Variants in TPD52 observed in about 807,000 individuals in gnomAD.
The protein encoded by TPD52 is prostate and colon associated protein.
A neutral mutation model predicts 31.3 loss-of-function variants in TPD52; 17 were observed. The ratio of observed to expected loss-of-function variants is 0.54; its 90% confidence interval spans 0.37 to 0.82. The LOEUF is 0.82. Among genes scored for constraint, TPD52 ranks in the 40% least tolerant of loss-of-function variants. The pLI is 0.00. For synonymous variants in TPD52, 83 were observed against 89.6 expected (o/e 0.93, Z 0.42); for missense variants, 212 against 240.1 (o/e 0.88, Z 0.77).
At chr8:80,046,059 T>G (rs1017988598) in intron 5 of TPD52, among the ~76,000 whole-genome samples, 1 of 152,180 alleles carries the variant, frequency 6.6e-6, no homozygotes, top group Admixed American at 6.5e-5. Flanking sequence ...TAAGAACCCA[T>G]GTACAATATC....
intron 1 of TPD52, among the ~76,000 whole-genome samples, chr8:80,114,136 G>A (rs1350822898): frequency 2.0e-5 from 3 of 152,090 alleles, no homozygotes; most frequent in African/African-American, 7.2e-5. Flanking sequence ...CTGCTCAGCA[G>A]GCTGAGGTGG....
chr8:80,057,040 T>A (rs998315883), intron 2 of TPD52, among the ~76,000 whole-genome samples: 1 of 152,060 alleles, frequency 6.6e-6, no homozygotes, highest in Non-Finnish European at 1.5e-5. Context: ...GGTGGTGGTG[T>A]GCCTATAATC....
At chr8:80,075,426 A>G (rs80133723) in intron 1 of TPD52, among the ~76,000 whole-genome samples, 5,135 of 152,298 alleles carry the variant, frequency 0.034, 126 homozygotes, top group African/African-American at 0.069. Context: ...ACAGTGGTCA[A>G]TGTCCCCACC....
At chr8:80,104,844 C>T (rs1401240463) in intron 1 of TPD52, among the ~76,000 whole-genome samples, 2 of 151,926 alleles carry the variant, frequency 1.3e-5, no homozygotes, top group Non-Finnish European at 2.9e-5. Flanking sequence ...CATATCACTT[C>T]AGCTCAGGAG....
intron 5 of TPD52, among the ~76,000 whole-genome samples, chr8:80,048,414 G>A (rs1290067662): frequency 6.6e-6 from 1 of 152,190 alleles, no homozygotes; most frequent in Non-Finnish European, 1.5e-5. Context: ...ACCGGCATAA[G>A]TTTGCCAGGT....
chr8:80,134,745 G>C (rs4556128), intron 1 of TPD52, among the ~76,000 whole-genome samples: 1 of 152,150 alleles, frequency 6.6e-6, no homozygotes, highest in Admixed American at 6.5e-5. Context: ...AAGTGGATCC[G>C]TTAGTCCATT....
At chr8:80,140,903 G>A (rs1006399329) in intron 1 of TPD52, among the ~76,000 whole-genome samples, 25 of 151,386 alleles carry the variant, frequency 1.7e-4, no homozygotes, top group East Asian at 9.7e-4. Flanking sequence ...CTGTCATACC[G>A]GCAGGAAGAA....
intron 1 of TPD52, 194 bp from the exon 2 acceptor site, chr8:80,064,787 T>G: frequency 1.4e-6 from 1 of 692,486 alleles, no homozygotes; most frequent in Non-Finnish European, 2.6e-6. Context: ...AACTACCAAG[T>G]AGACTCTGCC....
intron 1 of TPD52, among the ~76,000 whole-genome samples, chr8:80,154,419 A>T (rs13280432): frequency 0.45 from 68,836 of 152,002 alleles, 15,837 homozygotes; most frequent in East Asian, 0.72. Flanking sequence ...AATACTACAG[A>T]GGTCTATGTC....
intron 1 of TPD52, among the ~76,000 whole-genome samples, chr8:80,153,589 T>C (rs963776391): frequency 6.6e-6 from 1 of 152,342 alleles, no homozygotes; most frequent in East Asian, 1.9e-4. Context: ...AGTTAAAACC[T>C]CCAACATTTG....
At chr8:80,080,390 C>G in intron 1 of TPD52, 1 of 1,614,184 alleles carries the variant, frequency 6.2e-7, no homozygotes, top group Non-Finnish European at 8.5e-7. Flanking sequence ...CTTTTGTTCA[C>G]TCCTGCATCA....
chr8:80,089,356 G>T (rs1816075623), intron 1 of TPD52, among the ~76,000 whole-genome samples: 2 of 152,218 alleles, frequency 1.3e-5, no homozygotes, highest in Non-Finnish European at 2.9e-5. Context: ...GGTGGCAAAA[G>T]AGAGGCAGGA....
At chr8:80,159,989 G>A (rs1261805361) in intron 1 of TPD52, among the ~76,000 whole-genome samples, 3 of 152,086 alleles carry the variant, frequency 2.0e-5, no homozygotes, top group South Asian at 2.1e-4. Flanking sequence ...CCAGGGGTTC[G>A]AGACCAGTCT....
chr8:80,154,702 GACATAC>G (rs1424654282), intron 1 of TPD52, among the ~76,000 whole-genome samples: 3 of 94,802 alleles, frequency 3.2e-5, no homozygotes, highest in Non-Finnish European at 6.2e-5. Context: ...TTTGAATCAT[GACATAC>G]ACACACACAC....
At chr8:80,153,056 T>C (rs1393155516) in intron 1 of TPD52, among the ~76,000 whole-genome samples, 1 of 152,208 alleles carries the variant, frequency 6.6e-6, no homozygotes, top group Non-Finnish European at 1.5e-5. Context: ...AGAAGACTCT[T>C]AGGCACTAAC....
chr8:80,147,629 C>G (rs968699367), intron 1 of TPD52, among the ~76,000 whole-genome samples: 4 of 152,128 alleles, frequency 2.6e-5, no homozygotes, highest in Admixed American at 1.3e-4. Flanking sequence ...AGCGGCCACC[C>G]CAGCTCCCAG....
At chr8:80,110,473 G>A (rs1196249862) in intron 1 of TPD52, among the ~76,000 whole-genome samples, 4 of 151,696 alleles carry the variant, frequency 2.6e-5, no homozygotes, top group South Asian at 2.1e-4. Context: ...TGGCACTTAC[G>A]TCCAAGTTTA....
Position 80,152,780 on chromosome 8 carries a change from C to CAAA in TPD52, c.19+18642_19+18644dup, listed in dbSNP as rs57456374. Among the ~76,000 whole-genome samples the CAAA allele has an allele frequency of 1.1e-3, 88 of 83,532 alleles. 6 individuals carry two copies. In the East Asian group the frequency reaches 0.027, roughly 26 times the overall value. The allele number at this position is 83,532 out of a possible 152,430, so 54.8% of individuals were successfully genotyped here. A position where few individuals can be genotyped will look rare whatever the true frequency, so the allele number is the denominator to read the frequency against. On this transcript the variant is annotated intron_variant, in intron 1 of 7. Transcript: ENST00000518937. ...TGGGCGAAAGTGTGAGACTCCGTCTCAAAAAAAAAAAAAAAAAATGCCAGG... is the reference window on the plus strand; with the variant it reads ...TGGGCGAAAGTGTGAGACTCCGTCTCAAAAAAAAAAAAAAAAAAAAATGCCAGG...
intron 1 of TPD52, among the ~76,000 whole-genome samples, chr8:80,165,307 T>C (rs1811643601): frequency 6.6e-6 from 1 of 152,200 alleles, no homozygotes; most frequent in Admixed American, 6.5e-5. Context: ...TTTGGCACTA[T>C]CAAAATTGAA....
Sources: allele counts gnomAD v4.1 joint callset (sites outside exome capture counted in the v4.1 genomes callset), GRCh38; gene constraint gnomAD v4.1.1; transcripts MANE v1.5; gene names NCBI Gene and HGNC (gene_info 2026-07-23, HGNC 2026-07-21).